The following OR7A10 variants were observed in gnomAD, a reference collection of about 807,000 sequenced individuals.
OR7A10 encodes the protein olfactory receptor family 7 subfamily A member 10, also known as olfactory receptor 7A10.
For synonymous variants in OR7A10, 144 were observed against 144.5 expected (o/e 1.00, Z 0.02); for missense variants, 358 against 370.1 (o/e 0.97, Z 0.27).
chr19:14,841,132 G>A lies in OR7A10; in HGVS notation c.746C>T (p.Ser249Phe), dbSNP rs1250241587. The change falls in exon 2 of 2, where the codon TCC becomes TTC. Residue 249 changes from serine to phenylalanine, a missense_variant. Coordinates refer to ENST00000641129, the MANE Select transcript of OR7A10 (RefSeq NM_001005190.2). ...STCASHLSVV[S>F]LFYGTCLGVY... The stretch of plus-strand genomic sequence containing the variant: ...CCCTAAGCATGTACCATAAAATAAG[G>A]AGACAACTGAGAGGTGAGATGCACA... 1.2e-6 allele frequency: 2 copies of A among 1,614,046 alleles called. No homozygotes were observed. Among genetic ancestry groups the A allele is most frequent in the South Asian group, 2.2e-5 (2 of 91,066 alleles).
chr19:14,844,664 G>GTTTT (rs1348866444), intron 1 of OR7A10, among the ~76,000 whole-genome samples: 2,049 of 97,636 alleles, frequency 0.021, 285 homozygotes, highest in Non-Finnish European at 0.028. Flanking sequence ...TGAGTTCTGT[G>GTTTT]TTTTTTTTTT....
chr19:14,841,218 C>T lies in OR7A10; in HGVS notation c.660G>A (p.Lys220=), dbSNP rs2044909778. 6.2e-7 allele frequency: 1 copy of T among 1,614,042 alleles called. No individual in the cohort carries two copies. Among genetic ancestry groups the T allele is most frequent in the Admixed American group, 1.7e-5 (1 of 59,996 alleles). ...PLTGILYSYS[K]IVSSIRAISS... is the part of the protein sequence containing the mutation. ...AGATTGCACGTATGGAGGAAACTAT[C>T]TTAGAGTAAGAGTACAGGATCCCAG... The change falls in exon 2 of 2, where the codon AAG becomes AAA. Residue 220 remains lysine (K), a synonymous_variant. Transcript: ENST00000641129.
In OR7A10 at chr19:14,840,907, A is replaced by T; in HGVS notation, c.*41T>A. The T allele has an allele frequency of 1.4e-6, 2 of 1,405,128 alleles. No individual in the cohort carries two copies. The highest frequency in any genetic ancestry group is 2.0e-6 in the Non-Finnish European group (2 of 1,019,450). The allele number at this position is 1,405,128 out of a possible 1,614,324, so 87.0% of individuals were successfully genotyped here. A position where few individuals can be genotyped will look rare whatever the true frequency, so the allele number is the denominator to read the frequency against. ...ATCACCATTTCTGGCTCTGGGGCTT[A>T]GAGCTCTGAAGTCACAGGCCTTTCT... On this transcript the variant is annotated 3_prime_UTR_variant, in exon 2 of 2. Transcript: ENST00000641129.
rs200241798 is a variant in OR7A10, at chr19:14,841,758, G to A, written c.120C>T (p.Leu40=). 2.8e-4 allele frequency: 451 copies of A among 1,614,086 alleles called. No homozygotes were observed. The highest frequency in any genetic ancestry group is 3.3e-4 in the Non-Finnish European group (394 of 1,180,012). The part of the protein sequence containing the change: ...LFLSMYLVTV[L]GNLLIILATI... ...TGGCCAGGATGATGAGCAGGTTCCC[G>A]AGCACAGTGACCAGGTACATGGACA... The change falls in exon 2 of 2, where the codon CTC becomes CTT. Residue 40 remains leucine (L), a synonymous_variant. Coordinates refer to ENST00000641129, the MANE Select transcript of OR7A10 (RefSeq NM_001005190.2).
intron 1 of OR7A10, among the ~76,000 whole-genome samples, chr19:14,844,105 T>C (rs1343973031): frequency 6.6e-6 from 1 of 152,194 alleles, no homozygotes; most frequent in Non-Finnish European, 1.5e-5. Flanking sequence ...GAAGTCCCTA[T>C]GCTCTAAACA....
rs1230322315 is a variant in OR7A10 at position 14,841,815 on chromosome 19, T to A, written c.63A>T (p.Pro21=). ...EFLLLGISEE[P]ELQAFLFGLF... is the part of the protein sequence containing the mutation. ...GCCCAAAGAGGAAGGCCTGCAATTC[T>A]GGTTCCTCTGAAATTCCCAGGAGAA... The change falls in exon 2 of 2, where the codon CCA becomes CCT. Residue 21 remains proline (P), a synonymous_variant. Coordinates refer to ENST00000641129, the MANE Select transcript of OR7A10 (RefSeq NM_001005190.2). 3.7e-6 allele frequency: 6 copies of A among 1,613,814 alleles called. No individual in the cohort carries two copies.
chr19:14,847,549 C>A (rs1173444700), intron 1 of OR7A10, among the ~76,000 whole-genome samples: 1 of 151,932 alleles, frequency 6.6e-6, no homozygotes, highest in African/African-American at 2.4e-5. Flanking sequence ...CTCGCTCTGT[C>A]GCCCAGGCTG....
chr19:14,847,549 C>T (rs1173444700), intron 1 of OR7A10, among the ~76,000 whole-genome samples: 2 of 151,930 alleles, frequency 1.3e-5, no homozygotes, highest in Non-Finnish European at 2.9e-5. Context: ...CTCGCTCTGT[C>T]GCCCAGGCTG....
rs1433889708 is a variant in OR7A10, at chr19:14,840,887, C to A, written c.*61G>T. ...TTCCACCATCTTATTAACAAATCAC[C>A]ATTTCTGGCTCTGGGGCTTAGAGCT... is the stretch of plus-strand genomic sequence containing the variant. On this transcript the variant is annotated 3_prime_UTR_variant, in exon 2 of 2. Coordinates refer to ENST00000641129, the MANE Select transcript of OR7A10 (RefSeq NM_001005190.2). 3.3e-6 allele frequency: 4 copies of A among 1,201,736 alleles called. No individual in the cohort carries two copies. Among genetic ancestry groups the A allele is most frequent in the South Asian group, 1.5e-5 (1 of 67,212 alleles). The allele number at this position is 1,201,736 out of a possible 1,614,324, so 74.4% of individuals were successfully genotyped here. A position where few individuals can be genotyped will look rare whatever the true frequency, so the allele number is the denominator to read the frequency against.
chr19:14,844,989 G>T (rs143204235), intron 1 of OR7A10, among the ~76,000 whole-genome samples: 49 of 151,142 alleles, frequency 3.2e-4, no homozygotes, highest in Non-Finnish European at 1.0e-4. Flanking sequence ...ATTACAAGTT[G>T]CCTTTTGGAA....
At position 14,841,556 on chromosome 19, in the gene OR7A10, C is replaced by T. The variant is rs1161776291; in HGVS notation, c.322G>A (p.Val108Ile). The change falls in exon 2 of 2, where the codon GTA becomes ATA. Residue 108 changes from valine (V) to isoleucine (I), a missense_variant. Physicochemically the swap from Val to Ile is conservative, Grantham distance 29. Transcript: ENST00000641129. ...GTCAGAAGGAAGTTATCCAATCCTA[C>T]AAAGAGTAAGAAAAAGCACATCTGG... ...ITQMCFFLLF[V>I]GLDNFLLTVM... The T allele has an allele frequency of 6.2e-7, 1 of 1,614,136 alleles. No homozygotes were observed. Among genetic ancestry groups the T allele is most frequent in the East Asian group, 2.2e-5 (1 of 44,868 alleles).
rs762774874 is a variant in OR7A10, at chr19:14,841,071, G to A, written c.807C>T (p.His269=). 9.3e-6 allele frequency: 15 copies of A among 1,613,992 alleles called. No homozygotes were observed. Among genetic ancestry groups the A allele is most frequent in the Non-Finnish European group, 1.3e-5 (15 of 1,179,992 alleles). The change falls in exon 2 of 2, where the codon CAC becomes CAT. Residue 269 remains histidine (H), a synonymous_variant. Transcript: ENST00000641129. ...ACATCACTGAGGCTGCAGCACCTGT[G>A]TGTGAATTGTGGGTGGCAGCAGAAC... ...YLSSAATHNS[H]TGAAASVMYT... is the part of the protein sequence containing the mutation.
Position 14,840,830 on chromosome 19 carries a change from T to G in OR7A10, c.*118A>C. On this transcript the variant is annotated 3_prime_UTR_variant, in exon 2 of 2. Transcript: ENST00000641129. ...AGTTGAGGAACAAAGAAGTTTAAAC[T>G]CCAGGAAATAAATGGAAGGGGCAAG... 1.4e-6 allele frequency: 1 copy of G among 702,478 alleles called. No individual in the cohort carries two copies. Among genetic ancestry groups the G allele is most frequent in the Non-Finnish European group, 2.4e-6 (1 of 422,196 alleles). The allele number at this position is 702,478 out of a possible 1,614,324, so 43.5% of individuals were successfully genotyped here.
chr19:14,845,948 G>C (rs2044940558), intron 1 of OR7A10, among the ~76,000 whole-genome samples: 1 of 152,068 alleles, frequency 6.6e-6, no homozygotes, highest in African/African-American at 2.4e-5. Context: ...GAGGTTAGGA[G>C]TCAAGACCAG....
chr19:14,846,406 A>G (rs945064718), intron 1 of OR7A10, among the ~76,000 whole-genome samples: 4 of 152,182 alleles, frequency 2.6e-5, no homozygotes, highest in Non-Finnish European at 1.5e-5. Flanking sequence ...TGGTTTCAAA[A>G]CAACTGTCTA....
In OR7A10 at chr19:14,840,983, C is replaced by T. The variant is rs1264779487; in HGVS notation, c.895G>A (p.Gly299Ser). ...CCTCTGAAGAATGTTTTCATAGCAC[C>T]CTTTATGTGTTTATTCCTCAGACTG... ...IYSLRNKHIK[G>S]AMKTFFRGKQ The change falls in exon 2 of 2, where the codon GGT (glycine) becomes AGT (serine). Residue 299 changes from glycine (G) to serine (S), a missense_variant. Coordinates refer to ENST00000641129, the MANE Select transcript of OR7A10 (RefSeq NM_001005190.2). The T allele has an allele frequency of 1.9e-6, 3 of 1,613,084 alleles. No individual in the cohort carries two copies. The highest frequency in any genetic ancestry group is 1.1e-5 in the South Asian group (1 of 90,948).
chr19:14,847,809 G>C (rs4808068), intron 1 of OR7A10, among the ~76,000 whole-genome samples: 119,236 of 150,876 alleles, frequency 0.79, 47,423 homozygotes, highest in East Asian at 1. Context: ...CCACCACGCC[G>C]GACCAAATAT....
chr19:14,841,521 G>A lies in OR7A10; in HGVS notation c.357C>T (p.Ala119=). The A allele has an allele frequency of 6.2e-7, 1 of 1,614,178 alleles. No homozygotes were observed. The highest frequency in any genetic ancestry group is 8.5e-7 in the Non-Finnish European group (1 of 1,180,026). ...GLDNFLLTVM[A]YDRFVAICHP... ...GACAGATGGCCACAAACCGGTCATA[G>A]GCCATCACGGTCAGAAGGAAGTTAT... Residue 119 remains alanine (A), a synonymous_variant, in exon 2 of 2, where the codon GCC becomes GCT. Coordinates refer to ENST00000641129, the MANE Select transcript of OR7A10 (RefSeq NM_001005190.2).
intron 1 of OR7A10, among the ~76,000 whole-genome samples, chr19:14,846,102 C>T (rs1321209796): frequency 4.0e-5 from 6 of 151,734 alleles, no homozygotes; most frequent in African/African-American, 1.5e-4. Flanking sequence ...TGCAGTAAGC[C>T]GAGATCGCAC....
Sources: allele counts gnomAD v4.1 joint callset (sites outside exome capture counted in the v4.1 genomes callset), GRCh38; gene constraint gnomAD v4.1.1; transcripts MANE v1.5; gene names NCBI Gene and HGNC (gene_info 2026-07-23, HGNC 2026-07-21).